Variants in PRKCA observed in about 807,000 individuals in gnomAD.
The protein encoded by PRKCA is protein kinase C alpha, also known as protein kinase C alpha type.
In PRKCA, 27 loss-of-function variants were observed where a neutral mutation model predicts 87.0. The observed-to-expected ratio is 0.31, with a 90% CI of 0.23 to 0.43. The LOEUF is 0.43. PRKCA is among the 20% of genes least tolerant of loss of function. The pLI is 1.00. For missense variants in PRKCA, 518 were observed against 852.3 expected (o/e 0.61, Z 4.88); for synonymous variants, 329 against 311.1 (o/e 1.06, Z -0.61).
chr17:66,573,405 C>G (rs1969136006), intron 3 of PRKCA, among the ~76,000 whole-genome samples: 1 of 152,154 alleles, frequency 6.6e-6, no homozygotes, highest in Admixed American at 6.5e-5. Flanking sequence ...AACTTGTGAT[C>G]AGTTCGTTTT....
In PRKCA at chr17:66,719,689, C is replaced by T. The variant is rs996250654; in HGVS notation, c.919-12999C>T. The stretch of plus-strand genomic sequence containing the variant: ...GGCTGAGGTGCGAGAATCGCTTGAA[C>T]CCAGGAGGCAGAGGTTGCAGCAAGC... On this transcript the variant is annotated intron_variant, in intron 8 of 16. Transcript: ENST00000413366. 4.6e-5 allele frequency among the ~76,000 whole-genome samples: 7 copies of T among 152,360 alleles called. No homozygotes were observed. The East Asian group carries it at 1.3e-3, about 29-fold the overall frequency.
chr17:66,342,789 T>A (rs930211292), intron 2 of PRKCA, among the ~76,000 whole-genome samples: 3 of 152,196 alleles, frequency 2.0e-5, no homozygotes, highest in African/African-American at 7.2e-5. Context: ...CATCTCTTAA[T>A]CTGAAATTTC....
At chr17:66,426,251 G>A (rs1912798002) in intron 2 of PRKCA, among the ~76,000 whole-genome samples, 1 of 152,124 alleles carries the variant, frequency 6.6e-6, no homozygotes, top group Non-Finnish European at 1.5e-5. Context: ...GTAGGGTGGG[G>A]AAGGAAAGGT....
chr17:66,367,767 G>A (rs2143514270), intron 2 of PRKCA, among the ~76,000 whole-genome samples: 1 of 152,250 alleles, frequency 6.6e-6, no homozygotes, highest in Middle Eastern at 3.4e-3. Context: ...TGGGCAAGTT[G>A]GCAATGTTCA....
chr17:66,470,127 C>T (rs1915256898), intron 2 of PRKCA, among the ~76,000 whole-genome samples: 1 of 150,292 alleles, frequency 6.7e-6, no homozygotes, highest in East Asian at 2.0e-4. Flanking sequence ...ACCTCAGGGT[C>T]ACATGAAGGA....
intron 2 of PRKCA, among the ~76,000 whole-genome samples, chr17:66,485,088 A>G (rs1346887462): frequency 1.3e-5 from 2 of 152,180 alleles, no homozygotes; most frequent in African/African-American, 4.8e-5. Flanking sequence ...TCCCTAACTA[A>G]ACTCTGAGCT....
Position 66,338,652 on chromosome 17 carries a change from C to T in PRKCA, c.205+32525C>T, listed in dbSNP as rs997904792. Among the ~76,000 whole-genome samples, 14 of 152,096 alleles carry T rather than the reference C, an allele frequency of 9.2e-5. No individual in the cohort carries two copies. In the South Asian group the frequency reaches 2.9e-3, roughly 32 times the overall value. ...GTCCTACAGACTAAAATTTAAAATACAAGTGAACCAAGATTCTGCAGCTGA... is the reference window on the plus strand; with the variant it reads ...GTCCTACAGACTAAAATTTAAAATATAAGTGAACCAAGATTCTGCAGCTGA... On this transcript the variant is annotated intron_variant, in intron 2 of 16. Coordinates refer to ENST00000413366, the MANE Select transcript of PRKCA (RefSeq NM_002737.3).
chr17:66,556,858 T>G (rs761393466), intron 3 of PRKCA, among the ~76,000 whole-genome samples: 3 of 152,126 alleles, frequency 2.0e-5, no homozygotes, highest in Non-Finnish European at 4.4e-5. Flanking sequence ...CCTTATAAAT[T>G]ACCCCATCTC....
intron 3 of PRKCA, among the ~76,000 whole-genome samples, chr17:66,608,893 A>G (rs1048986696): frequency 7.2e-5 from 11 of 152,274 alleles, no homozygotes; most frequent in Non-Finnish European, 1.5e-4. Flanking sequence ...CTTTTAAAAA[A>G]GATTAAATAA....
chr17:66,568,743 G>A (rs1243955891), intron 3 of PRKCA, among the ~76,000 whole-genome samples: 1 of 152,106 alleles, frequency 6.6e-6, no homozygotes, highest in Non-Finnish European at 1.5e-5. Flanking sequence ...CAGCTTACCA[G>A]TCAGGAAAAA....
intron 5 of PRKCA, among the ~76,000 whole-genome samples, chr17:66,677,825 G>A (rs1229062441): frequency 6.6e-6 from 1 of 152,198 alleles, no homozygotes; most frequent in Non-Finnish European, 1.5e-5. Context: ...AGGCCTCTTT[G>A]TTAATTCAGA....
chr17:66,671,190 G>A (rs547094512), intron 5 of PRKCA, among the ~76,000 whole-genome samples: 1 of 114,606 alleles, frequency 8.7e-6, no homozygotes, highest in East Asian at 2.8e-4. Context: ...CAGCCCAGGA[G>A]ACAGTGGGAG....
chr17:66,352,558 G>GGTT (rs1907806585), intron 2 of PRKCA, among the ~76,000 whole-genome samples: 1 of 83,758 alleles, frequency 1.2e-5, no homozygotes, highest in Non-Finnish European at 2.1e-5. Context: ...GTTTTTTGAG[G>GGTT]TTTTTTTTTT....
intron 3 of PRKCA, among the ~76,000 whole-genome samples, chr17:66,578,145 C>G (rs73996409): frequency 7.3e-6 from 1 of 137,840 alleles, no homozygotes; most frequent in Non-Finnish European, 1.6e-5. Context: ...TAAAACAAAA[C>G]AAAACAAAAC....
chr17:66,546,596 A>G (rs1011239141), intron 3 of PRKCA, among the ~76,000 whole-genome samples: 2 of 152,136 alleles, frequency 1.3e-5, no homozygotes, highest in African/African-American at 4.8e-5. Flanking sequence ...TGTGCCTGCC[A>G]TTTCCAAATC....
At chr17:66,583,851 A>C (rs897104887) in intron 3 of PRKCA, among the ~76,000 whole-genome samples, 1 of 152,226 alleles carries the variant, frequency 6.6e-6, no homozygotes, top group Non-Finnish European at 1.5e-5. Context: ...CTGCAATCCA[A>C]CATTGTGCAG....
rs548866357 is a variant in PRKCA at position 66,409,774 on chromosome 17, C to T, written c.206-86427C>T. 1.2e-4 allele frequency among the ~76,000 whole-genome samples: 18 copies of T among 152,138 alleles called. No individual in the cohort carries two copies. In the South Asian group the frequency reaches 1.2e-3, roughly 11 times the overall value. On this transcript the variant is annotated intron_variant, in intron 2 of 16. Transcript: ENST00000413366. ...GAAACCCCGTCTCCACTAAAAAGTACAAAAAAATTAGCCAGACGTGGTGGC... is the reference window on the plus strand; with the variant it reads ...GAAACCCCGTCTCCACTAAAAAGTATAAAAAAATTAGCCAGACGTGGTGGC...
At chr17:66,617,053 T>A (rs1276796522) in intron 3 of PRKCA, among the ~76,000 whole-genome samples, 1 of 152,122 alleles carries the variant, frequency 6.6e-6, no homozygotes, top group East Asian at 1.9e-4. Flanking sequence ...ATTTATAAAA[T>A]ACAGCCTCTG....
At chr17:66,417,312 G>A (rs1437257740) in intron 2 of PRKCA, among the ~76,000 whole-genome samples, 1 of 152,026 alleles carries the variant, frequency 6.6e-6, no homozygotes, top group Non-Finnish European at 1.5e-5. Context: ...TACAGATACA[G>A]GTGCCCTAAT....
Sources: allele counts gnomAD v4.1 joint callset (sites outside exome capture counted in the v4.1 genomes callset), GRCh38; gene constraint gnomAD v4.1.1; transcripts MANE v1.5; gene names NCBI Gene and HGNC (gene_info 2026-07-23, HGNC 2026-07-21).